The following ATRNL1 variants were observed in gnomAD, a reference collection of about 807,000 sequenced individuals.
The protein encoded by ATRNL1 is attractin-like protein 1.
Under a neutral mutation model 182.7 loss-of-function variants are expected in ATRNL1, and 95 were observed. The ratio of observed to expected loss-of-function variants is 0.52; its 90% CI spans 0.44 to 0.62. The LOEUF (loss-of-function observed/expected upper bound fraction) is 0.62, where lower values mean the gene tolerates loss of function less well. Ranked by LOEUF, ATRNL1 falls within the 20% of genes least tolerant of loss-of-function variation. The pLI, the probability that ATRNL1 is intolerant of heterozygous loss-of-function variation, is 0.00. For synonymous variants in ATRNL1, 576 were observed against 568.3 expected, an observed-to-expected ratio of 1.01 and a Z score of -0.19; for missense variants, 1,471 against 1,679.5, an observed-to-expected ratio of 0.88 and a Z score of 2.17.
intron 9 of ATRNL1, among the ~76,000 whole-genome samples, chr10:115,240,707 GT>G: frequency 6.6e-6 from 1 of 151,878 alleles, no homozygotes; most frequent in Non-Finnish European, 1.5e-5. Context: ...CTTTAGAGTA[GT>G]TATTTAATAT....
chr10:115,233,442 T>A (rs1007061910), intron 9 of ATRNL1, among the ~76,000 whole-genome samples: 1 of 152,182 alleles, frequency 6.6e-6, no homozygotes, highest in Non-Finnish European at 1.5e-5. Flanking sequence ...TAGCGTTTTT[T>A]AAATAATAGT....
chr10:115,582,988 T>C (rs1855232279), intron 26 of ATRNL1, among the ~76,000 whole-genome samples: 2 of 146,378 alleles, frequency 1.4e-5, no homozygotes, highest in South Asian at 4.7e-4. Context: ...CCCAGCACCA[T>C]TTATTAAATA....
rs941866548 is a variant in ATRNL1, at chr10:115,495,353, C to A, written c.3655-23910C>A. Among the ~76,000 whole-genome samples the A allele has an allele frequency of 5.3e-5, 8 of 152,160 alleles. No individual in the cohort carries two copies. The South Asian group carries it at 1.2e-3, about 24-fold the overall frequency. On this transcript the variant is annotated intron_variant, in intron 24 of 28. Transcript: ENST00000355044. ...TCTGATTTTGGTTACTTCTTATCTTCTGCTAGCTTTGGGTTTTGTATGCCC... is the reference window on the plus strand; with the variant it reads ...TCTGATTTTGGTTACTTCTTATCTTATGCTAGCTTTGGGTTTTGTATGCCC...
intron 27 of ATRNL1, among the ~76,000 whole-genome samples, chr10:115,804,228 A>T (rs1240262814): frequency 6.6e-6 from 1 of 152,138 alleles, no homozygotes; most frequent in Non-Finnish European, 1.5e-5. Flanking sequence ...TTGCCTTTTA[A>T]ACTTACTTTC....
At chr10:115,128,559 G>A (rs782773596) in intron 4 of ATRNL1, 19 of 313,140 alleles carry the variant, frequency 6.1e-5, no homozygotes, top group Non-Finnish European at 8.8e-5. Context: ...TCACATGGTG[G>A]CTCACGCCTG....
chr10:115,459,488 G>A (rs1847690523), intron 21 of ATRNL1, among the ~76,000 whole-genome samples: 1 of 152,026 alleles, frequency 6.6e-6, no homozygotes, highest in African/African-American at 2.4e-5. Context: ...AGATTGCAGA[G>A]GTGAAATAAA....
intron 25 of ATRNL1, among the ~76,000 whole-genome samples, chr10:115,521,168 G>A (rs1850909869): frequency 6.8e-6 from 1 of 146,396 alleles, no homozygotes; most frequent in South Asian, 2.2e-4. Context: ...TGTTGTTGTT[G>A]TTGTTGAGAC....
intron 26 of ATRNL1, among the ~76,000 whole-genome samples, chr10:115,715,406 C>CG (rs1947217800): frequency 6.6e-6 from 1 of 152,098 alleles, no homozygotes; most frequent in Non-Finnish European, 1.5e-5. Context: ...ATCCATATAC[C>CG]TTATCTGTCC....
At chr10:115,386,668 T>TTTA (rs1319588609) in intron 19 of ATRNL1, among the ~76,000 whole-genome samples, 1 of 151,980 alleles carries the variant, frequency 6.6e-6, no homozygotes, top group Non-Finnish European at 1.5e-5. Context: ...TTATTTTTAT[T>TTTA]TTATTATTAT....
At chr10:115,186,366 C>A (rs1244871656) in intron 8 of ATRNL1, among the ~76,000 whole-genome samples, 3 of 152,092 alleles carry the variant, frequency 2.0e-5, no homozygotes, top group African/African-American at 7.2e-5. Flanking sequence ...TAGATACATA[C>A]CCAAAAGAAA....
At chr10:115,795,841 G>A (rs115159007) in intron 27 of ATRNL1, among the ~76,000 whole-genome samples, 2,042 of 152,102 alleles carry the variant, frequency 0.013, 37 homozygotes, top group African/African-American at 0.045. Flanking sequence ...TTCAACACTC[G>A]GGATCACAAT....
At chr10:115,386,627 C>T (rs1470216514) in intron 19 of ATRNL1, among the ~76,000 whole-genome samples, 2 of 151,908 alleles carry the variant, frequency 1.3e-5, no homozygotes, top group Non-Finnish European at 2.9e-5. Context: ...ACTTAAGCAC[C>T]CAAGGTACAT....
At position 115,887,662 on chromosome 10, in the gene ATRNL1, C is replaced by CT. The variant is rs1412527934; in HGVS notation, c.4018+39684dup. Reference sequence around the variant, plus strand: ...CTGTAACAATGCTCAACATAGAGCTCTTTTTTTTTTTTTCACCATGCCTAG... The same window carrying CT: ...CTGTAACAATGCTCAACATAGAGCTCTTTTTTTTTTTTTTCACCATGCCTAG... On this transcript the variant is annotated intron_variant, in intron 28 of 28. Transcript: ENST00000355044. 5.2e-3 allele frequency among the ~76,000 whole-genome samples: 746 copies of CT among 144,160 alleles called. 7 individuals are homozygous for CT. The highest frequency in any genetic ancestry group is 0.016 in the African/African-American group (653 of 39,660). The allele number at this position is 144,160 out of a possible 152,430, so 94.6% of individuals were successfully genotyped here.
intron 13 of ATRNL1, among the ~76,000 whole-genome samples, chr10:115,277,151 C>T (rs1554915095): frequency 2.9e-5 from 4 of 137,828 alleles, no homozygotes; most frequent in Non-Finnish European, 6.2e-5. Flanking sequence ...TATATGAAAA[C>T]AAAAAATTAT....
intron 28 of ATRNL1, among the ~76,000 whole-genome samples, chr10:115,907,744 A>T (rs1398939815): frequency 6.6e-6 from 1 of 151,940 alleles, no homozygotes; most frequent in Non-Finnish European, 1.5e-5. Context: ...AAAAAATTTT[A>T]AAATATTTTA....
At chr10:115,465,550 A>G (rs555815351) in intron 22 of ATRNL1, among the ~76,000 whole-genome samples, 14 of 151,732 alleles carry the variant, frequency 9.2e-5, no homozygotes, top group Non-Finnish European at 1.9e-4. Context: ...TGTGGCATGT[A>G]CTGCAGAAGG....
intron 26 of ATRNL1, among the ~76,000 whole-genome samples, chr10:115,692,168 C>T (rs1037579393): frequency 6.6e-6 from 1 of 152,140 alleles, no homozygotes; most frequent in Admixed American, 6.6e-5. Context: ...TAAAGAAAAA[C>T]TATTTCCTCC....
intron 28 of ATRNL1, among the ~76,000 whole-genome samples, chr10:115,919,369 A>G (rs1390541271): frequency 6.6e-6 from 1 of 152,236 alleles, no homozygotes. Flanking sequence ...GAAGTGCAGC[A>G]GAATGGAGAA....
intron 1 of ATRNL1, among the ~76,000 whole-genome samples, chr10:115,103,147 C>T (rs1375192400): frequency 2.0e-5 from 3 of 151,316 alleles, no homozygotes; most frequent in African/African-American, 4.9e-5. Flanking sequence ...ACGCGATTCT[C>T]GTGCCTCAGC....
Sources: gnomAD v4.1 joint callset for allele counts (sites outside exome capture counted in the v4.1 genomes callset) on GRCh38, gnomAD v4.1.1 for gene constraint, MANE v1.5 for transcripts, NCBI Gene and HGNC (gene_info 2026-07-23, HGNC 2026-07-21) for gene names.